Variants in STXBP5L observed in about 807,000 individuals in gnomAD.
The protein encoded by STXBP5L is syntaxin-binding protein 5-like.
A neutral mutation model predicts 144.5 loss-of-function variants in STXBP5L; 65 were observed. The ratio of observed to expected loss-of-function variants is 0.45; its 90% CI spans 0.37 to 0.55. The LOEUF (loss-of-function observed/expected upper bound fraction) is 0.55, where lower values mean the gene tolerates loss of function less well. Among genes scored for constraint, STXBP5L ranks in the 20% least tolerant of loss-of-function variants. The pLI, the probability that STXBP5L is intolerant of heterozygous loss-of-function variation, is 0.00. For missense variants in STXBP5L, 1,298 were observed against 1,405.5 expected, an observed-to-expected ratio of 0.92 and a Z score of 1.22; for synonymous variants, 505 against 469.6, an observed-to-expected ratio of 1.08 and a Z score of -0.97.
intron 5 of STXBP5L, among the ~76,000 whole-genome samples, chr3:121,058,456 A>G (rs1948604182): frequency 6.6e-6 from 1 of 152,236 alleles, no homozygotes; most frequent in Non-Finnish European, 1.5e-5. Context: ...GTGTCTTTAT[A>G]GTAGAATAAT....
At chr3:121,045,972 G>A (rs1384731873) in intron 5 of STXBP5L, among the ~76,000 whole-genome samples, 1 of 152,084 alleles carries the variant, frequency 6.6e-6, no homozygotes, top group African/African-American at 2.4e-5. Flanking sequence ...TCCAGGTTTT[G>A]CCCATTCAGT....
chr3:121,326,683 A>G (rs1447491031), intron 20 of STXBP5L, among the ~76,000 whole-genome samples: 3 of 152,020 alleles, frequency 2.0e-5, no homozygotes, highest in Admixed American at 6.6e-5. Context: ...TTACCCTCTC[A>G]CTTTCTACAG....
At chr3:121,154,318 A>G (rs2046042540) in intron 8 of STXBP5L, among the ~76,000 whole-genome samples, 1 of 151,576 alleles carries the variant, frequency 6.6e-6, no homozygotes, top group African/African-American at 2.4e-5. Flanking sequence ...TCAGCACTTT[A>G]CCTCTCATAT....
At position 121,200,785 on chromosome 3, in the gene STXBP5L, G is replaced by A. The variant is rs571315833; in HGVS notation, c.878-5138G>A. Among the ~76,000 whole-genome samples the A allele has an allele frequency of 2.8e-4, 42 of 152,292 alleles. No individual in the cohort carries two copies. In the South Asian group the frequency reaches 8.7e-3, roughly 32 times the overall value. Reference sequence around the variant, plus strand: ...GCAGGTTACTCAATTTCCATTAGTTGTGTGGTTTTGAGTGAATTTCTTAAT... The same window carrying A: ...GCAGGTTACTCAATTTCCATTAGTTATGTGGTTTTGAGTGAATTTCTTAAT... On this transcript the variant is annotated intron_variant, in intron 9 of 26. Transcript: ENST00000471454.
intron 5 of STXBP5L, among the ~76,000 whole-genome samples, chr3:121,107,773 A>G (rs1209983305): frequency 2.0e-5 from 3 of 152,210 alleles, no homozygotes; most frequent in African/African-American, 7.2e-5. Context: ...TTTAATGGAA[A>G]TAGCATTGAA....
chr3:121,023,508 T>C (rs1945709866), intron 3 of STXBP5L, among the ~76,000 whole-genome samples: 2 of 152,098 alleles, frequency 1.3e-5, no homozygotes, highest in Non-Finnish European at 2.9e-5. Flanking sequence ...TACAAGGCTA[T>C]GGTTACCAAA....
intron 21 of STXBP5L, among the ~76,000 whole-genome samples, chr3:121,380,862 A>G (rs1051345264): frequency 4.6e-5 from 7 of 152,158 alleles, no homozygotes; most frequent in African/African-American, 1.4e-4. Flanking sequence ...GCCAATCGCC[A>G]CAGTATTGTC....
chr3:121,067,681 T>A (rs1291573592), intron 5 of STXBP5L, among the ~76,000 whole-genome samples: 2 of 152,170 alleles, frequency 1.3e-5, no homozygotes, highest in African/African-American at 4.8e-5. Flanking sequence ...TTGTATTTGT[T>A]CTATCTGATA....
chr3:121,116,385 T>A (rs1169582088), intron 6 of STXBP5L, among the ~76,000 whole-genome samples: 1 of 152,158 alleles, frequency 6.6e-6, no homozygotes, highest in Non-Finnish European at 1.5e-5. Context: ...CTAGTTATAC[T>A]CTTGTCATGA....
At chr3:120,917,548 G>T (rs1709163845) in intron 2 of STXBP5L, among the ~76,000 whole-genome samples, 2 of 152,048 alleles carry the variant, frequency 1.3e-5, no homozygotes, top group Admixed American at 6.6e-5. Context: ...AAATAGCAAG[G>T]GGTGGCCATG....
At chr3:121,370,215 A>G (rs1560029579) in intron 20 of STXBP5L, among the ~76,000 whole-genome samples, 1 of 152,262 alleles carries the variant, frequency 6.6e-6, no homozygotes, top group East Asian at 1.9e-4. Flanking sequence ...AAATACAAAA[A>G]AAATTAGCCA....
rs368790614 is a variant in STXBP5L, at chr3:121,407,348, T to C, written c.2693T>C (p.Ile898Thr). 3.7e-6 allele frequency: 6 copies of C among 1,612,772 alleles called. No individual in the cohort carries two copies. The East Asian group carries it at 8.9e-5, about 24-fold the overall frequency. The change falls in exon 23 of 27, where the codon ATA becomes ACA. Residue 898 changes from isoleucine to threonine, a missense_variant. By Grantham distance (89) the Ile-to-Thr change is moderately conservative. Coordinates refer to ENST00000471454, the MANE Select transcript of STXBP5L (RefSeq NM_001308330.2). Reference protein sequence around the residue: ...PYEVWRDPNNIDENEKSWRRK... With the variant: ...PYEVWRDPNNTDENEKSWRRK... ...GAAGTTTGGAGGGATCCAAACAACATAGATGAAAATGAAAAATCTTGGAGA... is the reference window on the plus strand; with the variant it reads ...GAAGTTTGGAGGGATCCAAACAACACAGATGAAAATGAAAAATCTTGGAGA...
chr3:121,089,523 A>T (rs2042673178), intron 5 of STXBP5L, among the ~76,000 whole-genome samples: 1 of 19,180 alleles, frequency 5.2e-5, no homozygotes, highest in South Asian at 1.4e-3. Flanking sequence ...TGCTGCTTTA[A>T]AGATTTTTTT....
At chr3:121,014,077 C>T (rs1247202470) in intron 3 of STXBP5L, among the ~76,000 whole-genome samples, 2 of 152,016 alleles carry the variant, frequency 1.3e-5, no homozygotes, top group African/African-American at 2.4e-5. Flanking sequence ...AATATGATGC[C>T]TCCAGCTTTG....
intron 2 of STXBP5L, among the ~76,000 whole-genome samples, chr3:120,943,334 A>C (rs1344633784): frequency 1.3e-5 from 2 of 151,810 alleles, no homozygotes; most frequent in Non-Finnish European, 3.0e-5. Context: ...AGACATTTAT[A>C]TGATGAAGAA....
At chr3:120,946,607 T>C (rs1191594203) in intron 2 of STXBP5L, among the ~76,000 whole-genome samples, 1 of 151,640 alleles carries the variant, frequency 6.6e-6, no homozygotes, top group Non-Finnish European at 1.5e-5. Flanking sequence ...ACAGTCCCCA[T>C]CACAGGTGGT....
At chr3:121,094,711 C>G (rs9865199) in intron 5 of STXBP5L, among the ~76,000 whole-genome samples, 12 of 152,080 alleles carry the variant, frequency 7.9e-5, no homozygotes, top group African/African-American at 1.7e-4. Context: ...ACTGATGGGT[C>G]TTGACTCCTT....
intron 18 of STXBP5L, among the ~76,000 whole-genome samples, chr3:121,269,191 T>C (rs2050664704): frequency 6.6e-6 from 1 of 152,108 alleles, no homozygotes; most frequent in Non-Finnish European, 1.5e-5. Context: ...GGAAACCACT[T>C]GATGTTCTAA....
intron 20 of STXBP5L, among the ~76,000 whole-genome samples, chr3:121,319,440 T>C (rs2043896005): frequency 6.6e-6 from 1 of 152,186 alleles, no homozygotes; most frequent in African/African-American, 2.4e-5. Context: ...AGTGGTTAGT[T>C]CTTTATTCTT....
Sources: allele counts gnomAD v4.1 joint callset (sites outside exome capture counted in the v4.1 genomes callset), GRCh38; gene constraint gnomAD v4.1.1; transcripts MANE v1.5; gene names NCBI Gene and HGNC (gene_info 2026-07-23, HGNC 2026-07-21).